The following GABBR2 variants were observed in gnomAD, a reference collection of about 807,000 sequenced individuals.
GABBR2 encodes gamma-aminobutyric acid type B receptor subunit 2.
A neutral mutation model predicts 105.6 loss-of-function variants in GABBR2; 23 were observed. That is an observed-to-expected ratio of 0.22 (90% confidence interval 0.16 to 0.31). The LOEUF (loss-of-function observed/expected upper bound fraction) is 0.31. GABBR2 is among the 10% of genes least tolerant of loss of function. GABBR2 has a pLI of 1.00. For missense variants in GABBR2, 734 were observed against 1,245.5 expected, an observed-to-expected ratio of 0.59 and a Z score of 6.18; for synonymous variants, 478 against 499.7, an observed-to-expected ratio of 0.96 and a Z score of 0.58.
chr9:98,481,109 T>C (rs746043909), intron 4 of GABBR2, 112 bp from the exon 5 acceptor site: 4 of 760,836 alleles, frequency 5.3e-6, no homozygotes, highest in Non-Finnish European at 7.2e-6. Context: ...CCCAGAGCTC[T>C]GCCTGGGAAG....
chr9:98,554,186 C>T (rs970146086), intron 2 of GABBR2, among the ~76,000 whole-genome samples: 3 of 151,998 alleles, frequency 2.0e-5, no homozygotes, highest in African/African-American at 7.3e-5. Context: ...TAGAAAGCAA[C>T]CAGGGCAATT....
At chr9:98,427,473 G>T (rs1226950867) in intron 7 of GABBR2, among the ~76,000 whole-genome samples, 1 of 152,116 alleles carries the variant, frequency 6.6e-6, no homozygotes, top group Non-Finnish European at 1.5e-5. Flanking sequence ...ATCCCCCTTT[G>T]GATGGTTTTA....
intron 1 of GABBR2, among the ~76,000 whole-genome samples, chr9:98,650,057 T>C (rs1164025605): frequency 6.6e-6 from 1 of 152,248 alleles, no homozygotes; most frequent in Non-Finnish European, 1.5e-5. Context: ...CAAGATATGT[T>C]ACTCATTTGG....
intron 2 of GABBR2, among the ~76,000 whole-genome samples, chr9:98,568,103 C>T (rs914669): frequency 3.9e-5 from 6 of 152,038 alleles, no homozygotes; most frequent in East Asian, 3.9e-4. Context: ...AGGCTGGATG[C>T]GGGGACCACA....
In GABBR2 at chr9:98,579,734, G is replaced by A. The variant is rs190663363; in HGVS notation, c.322-1662C>T. 1.9e-3 allele frequency among the ~76,000 whole-genome samples: 289 copies of A among 152,128 alleles called. 1 individual carries two copies. The highest frequency in any genetic ancestry group is 6.7e-3 in the African/African-American group (280 of 41,510). ...GATTCAAAAGAGAATTTAAGGAACC[G>A]GGACTGAAAAAAGGAATAAGATAAG... On this transcript the variant is annotated intron_variant, in intron 1 of 18. Coordinates refer to ENST00000259455, the MANE Select transcript of GABBR2 (RefSeq NM_005458.8).
At position 98,386,083 on chromosome 9, in the gene GABBR2, A is replaced by T. The variant is rs1264286574; in HGVS notation, c.1530-311T>A. On this transcript the variant is annotated intron_variant, in intron 10 of 18. Transcript: ENST00000259455. ...CTTCACTAAAAGACCTCAGACAACT[A>T]TATATTTCTAATTGTTGATTTCCCT... 3.9e-5 allele frequency among the ~76,000 whole-genome samples: 6 copies of T among 152,140 alleles called. No homozygotes were observed. In the East Asian group the frequency reaches 1.2e-3, roughly 29 times the overall value.
intron 13 of GABBR2, among the ~76,000 whole-genome samples, chr9:98,314,170 G>C (rs1474727756): frequency 6.6e-6 from 1 of 152,160 alleles, no homozygotes; most frequent in Non-Finnish European, 1.5e-5. Flanking sequence ...AGAAACTAAA[G>C]TCAGAGTGGC....
intron 13 of GABBR2, among the ~76,000 whole-genome samples, chr9:98,353,872 T>C (rs1444042580): frequency 6.6e-6 from 1 of 152,218 alleles, no homozygotes; most frequent in Non-Finnish European, 1.5e-5. Context: ...GATCTAATAA[T>C]TTTATAAGCG....
rs10986085 is a variant in GABBR2, at chr9:98,385,529, G to C, written c.1662+111C>G. 0.029 allele frequency: 24,531 copies of C among 860,190 alleles called. 1,537 individuals are homozygous for C. Among genetic ancestry groups the C allele is most frequent in the African/African-American group, 0.19 (11,341 of 59,910 alleles). The allele number at this position is 860,190 out of a possible 1,614,324, so 53.3% of individuals were successfully genotyped here. A position where few individuals can be genotyped will look rare whatever the true frequency, so the allele number is the denominator to read the frequency against. ...AAAACTACTAAATGGGTTGTTCCCT[G>C]CCTGTTCATGTATTTTCATGTATTT... is the stretch of plus-strand genomic sequence containing the variant. On this transcript the variant is annotated intron_variant, in intron 11 of 18. Transcript: ENST00000259455.
At chr9:98,416,173 C>T (rs1832686857) in intron 7 of GABBR2, among the ~76,000 whole-genome samples, 1 of 152,162 alleles carries the variant, frequency 6.6e-6, no homozygotes, top group Non-Finnish European at 1.5e-5. Flanking sequence ...GATAATTTAA[C>T]AACTGGCTCT....
At chr9:98,576,050 G>A (rs80322096) in intron 2 of GABBR2, among the ~76,000 whole-genome samples, 15,919 of 152,174 alleles carry the variant, frequency 0.1, 1,160 homozygotes, top group African/African-American at 0.21. Context: ...AGGGGCCCTC[G>A]CCCGGGCCCC....
chr9:98,690,411 T>TA (rs1830669421), intron 1 of GABBR2, among the ~76,000 whole-genome samples: 1 of 152,238 alleles, frequency 6.6e-6, no homozygotes, highest in Admixed American at 6.5e-5. Flanking sequence ...ATTTTTGGTA[T>TA]AAATCCAATT....
intron 7 of GABBR2, among the ~76,000 whole-genome samples, chr9:98,432,671 A>C (rs1030642786): frequency 6.6e-6 from 1 of 152,286 alleles, no homozygotes; most frequent in East Asian, 1.9e-4. Context: ...GAGCTTAGTA[A>C]ATGTTGGTTC....
At chr9:98,327,224 C>T (rs1830939012) in intron 13 of GABBR2, among the ~76,000 whole-genome samples, 1 of 152,124 alleles carries the variant, frequency 6.6e-6, no homozygotes, top group South Asian at 2.1e-4. Context: ...ACATTTTAAA[C>T]CTGTGGTTTA....
chr9:98,341,446 C>T (rs983834660), intron 13 of GABBR2, among the ~76,000 whole-genome samples: 6 of 152,224 alleles, frequency 3.9e-5, no homozygotes, highest in Admixed American at 2.6e-4. Context: ...GGGCTCAAGA[C>T]AGCACACATT....
intron 2 of GABBR2, among the ~76,000 whole-genome samples, chr9:98,544,293 C>A (rs1828362421): frequency 1.3e-5 from 2 of 152,148 alleles, no homozygotes; most frequent in Non-Finnish European, 2.9e-5. Flanking sequence ...TTGTGGGGGG[C>A]AGTAGAGATT....
intron 13 of GABBR2, among the ~76,000 whole-genome samples, chr9:98,343,869 G>GA (rs1831258262): frequency 6.6e-6 from 1 of 151,438 alleles, no homozygotes. Flanking sequence ...ATAAAAAAAA[G>GA]AAAAAAAGAA....
At chr9:98,470,475 T>C (rs1022323817) in intron 6 of GABBR2, among the ~76,000 whole-genome samples, 1 of 152,104 alleles carries the variant, frequency 6.6e-6, no homozygotes, top group Non-Finnish European at 1.5e-5. Context: ...ACAAGAACAG[T>C]GTGGGGGAAA....
intron 3 of GABBR2, among the ~76,000 whole-genome samples, chr9:98,512,875 T>G (rs1827677690): frequency 6.6e-6 from 1 of 152,188 alleles, no homozygotes; most frequent in African/African-American, 2.4e-5. Flanking sequence ...AAGCTACCAA[T>G]GACTTTCTTC....
Sources: allele counts gnomAD v4.1 joint callset (sites outside exome capture counted in the v4.1 genomes callset), GRCh38; gene constraint gnomAD v4.1.1; transcripts MANE v1.5; gene names NCBI Gene and HGNC (gene_info 2026-07-23, HGNC 2026-07-21).